The following TMEM117 variants were observed in gnomAD, a reference collection of about 807,000 sequenced individuals.
TMEM117 encodes transmembrane protein 117.
A neutral mutation model predicts 52.4 loss-of-function variants in TMEM117; 27 were observed. The observed-to-expected ratio is 0.51, with a 90% CI of 0.38 to 0.71. TMEM117 has a LOEUF of 0.71. TMEM117 is among the 30% of genes least tolerant of loss of function. The pLI, the probability that TMEM117 is intolerant of heterozygous loss-of-function variation, is 0.00. For synonymous variants in TMEM117, 215 were observed against 206.3 expected (o/e 1.04, Z -0.36); for missense variants, 556 against 630.5 (o/e 0.88, Z 1.26).
intron 4 of TMEM117, among the ~76,000 whole-genome samples, chr12:44,170,960 T>A (rs1187740235): frequency 1.3e-5 from 2 of 152,110 alleles, no homozygotes; most frequent in Non-Finnish European, 2.9e-5. Context: ...CATGTTTTTC[T>A]GTCCTGAGAT....
chr12:44,042,937 AATAT>A (rs1289891246), intron 3 of TMEM117, among the ~76,000 whole-genome samples: 1 of 152,120 alleles, frequency 6.6e-6, no homozygotes, highest in Non-Finnish European at 1.5e-5. Context: ...TTGGCTTCTT[AATAT>A]GATTAGACCC....
chr12:44,034,839 G>C (rs1324776018), intron 3 of TMEM117, among the ~76,000 whole-genome samples: 12 of 152,144 alleles, frequency 7.9e-5, no homozygotes, highest in Admixed American at 7.9e-4. Context: ...TTTTAGATGA[G>C]ATTAGCACTT....
intron 3 of TMEM117, among the ~76,000 whole-genome samples, chr12:44,132,510 A>G (rs1331157733): frequency 1.3e-5 from 2 of 152,080 alleles, no homozygotes; most frequent in Admixed American, 6.6e-5. Context: ...CCTTGCCTTC[A>G]GAAATCCTGA....
intron 5 of TMEM117, among the ~76,000 whole-genome samples, chr12:44,265,369 G>T (rs1283790614): frequency 1.3e-5 from 2 of 152,098 alleles, no homozygotes; most frequent in African/African-American, 4.8e-5. Context: ...ACACACTACT[G>T]GAAGAAGTGA....
At chr12:44,057,417 A>G (rs1947073202) in intron 3 of TMEM117, among the ~76,000 whole-genome samples, 1 of 152,164 alleles carries the variant, frequency 6.6e-6, no homozygotes, top group African/African-American at 2.4e-5. Flanking sequence ...TAGCAGCATG[A>G]TATGATAGAG....
chr12:44,166,713 CT>C (rs1276471244), intron 4 of TMEM117, among the ~76,000 whole-genome samples: 1 of 152,170 alleles, frequency 6.6e-6, no homozygotes, highest in Non-Finnish European at 1.5e-5. Context: ...AGTCAAACTC[CT>C]ATCTATGTTC....
rs1432162040 is a variant in TMEM117, at chr12:44,059,103, A to G, written c.411-84422A>G. ...GGGTTCATGCTCCTATGAGAATGTA[A>G]TGCCACTGCTGATCTGACAGGAAGT... On this transcript the variant is annotated intron_variant, in intron 3 of 7. Coordinates refer to ENST00000266534, the MANE Select transcript of TMEM117 (RefSeq NM_032256.3). 3.3e-5 allele frequency among the ~76,000 whole-genome samples: 5 copies of G among 152,224 alleles called. No individual in the cohort carries two copies. In the East Asian group the frequency reaches 9.6e-4, roughly 29 times the overall value.
chr12:44,261,236 C>T (rs975921214), intron 5 of TMEM117, among the ~76,000 whole-genome samples: 10 of 152,242 alleles, frequency 6.6e-5, no homozygotes, highest in Middle Eastern at 3.4e-3. Flanking sequence ...GGTGGCTTAT[C>T]GCTATCTCAG....
chr12:43,931,875 GAGACCC>G (rs1944876521), intron 2 of TMEM117, among the ~76,000 whole-genome samples: 1 of 152,178 alleles, frequency 6.6e-6, no homozygotes, highest in African/African-American at 2.4e-5. Context: ...TTTATTCTGG[GAGACCC>G]AGGCTTGGCA....
At chr12:43,816,399 T>A in the TMEM117 span, among the ~76,000 whole-genome samples, 19 of 151,716 alleles carry the variant, frequency 1.3e-4, no homozygotes, top group Admixed American at 2.6e-4. Flanking sequence ...ATTACTCACC[T>A]CCTATCCACT....
intron 6 of TMEM117, among the ~76,000 whole-genome samples, chr12:44,305,678 A>C (rs1378904574): frequency 1.3e-5 from 2 of 152,244 alleles, no homozygotes; most frequent in Non-Finnish European, 2.9e-5. Flanking sequence ...GCAAGGCTGC[A>C]GAGAAAAGGG....
chr12:44,244,503 T>C (rs1950104888), intron 5 of TMEM117: 1 of 152,076 alleles, frequency 6.6e-6, no homozygotes, highest in Admixed American at 6.6e-5. Flanking sequence ...TTGTCTTTTT[T>C]GGATAAATGT....
chr12:44,171,938 G>A (rs12308508), intron 4 of TMEM117, among the ~76,000 whole-genome samples: 21,798 of 152,034 alleles, frequency 0.14, 1,977 homozygotes, highest in African/African-American at 0.25. Context: ...GCCCCAAGAC[G>A]GTGAAGGCAT....
rs192994771 is a variant in TMEM117 at position 44,384,319 on chromosome 12, A to G, written c.899-3707A>G. ...TTTTAGCAGCTTCAAGTTTCAGCTG[A>G]GTGAGAGAAGGACACTGCTGCATGC... On this transcript the variant is annotated intron_variant, in intron 7 of 7. Transcript: ENST00000266534. Among the ~76,000 whole-genome samples the G allele has an allele frequency of 6.1e-3, 921 of 152,224 alleles. 7 individuals are homozygous for G. Among genetic ancestry groups the G allele is most frequent in the African/African-American group, 0.022 (897 of 41,522 alleles).
chr12:44,127,701 A>G (rs1243130391), intron 3 of TMEM117, among the ~76,000 whole-genome samples: 1 of 152,114 alleles, frequency 6.6e-6, no homozygotes, highest in East Asian at 1.9e-4. Flanking sequence ...TAAGTAAAAT[A>G]GTTTCTTCTT....
chr12:44,226,499 A>ATGTGTGTGTGTGTGTGTG lies in TMEM117; in HGVS notation c.608+15113_608+15114insGTGTGTGTGTGTGTGTGT, dbSNP rs1161429257. Among the ~76,000 whole-genome samples, 235 of 132,944 alleles carry ATGTGTGTGTGTGTGTGTG rather than the reference A, an allele frequency of 1.8e-3. 3 individuals carry two copies. In the East Asian group the frequency reaches 0.029, roughly 16 times the overall value. 87.2% of individuals were successfully genotyped at this position (132,944 alleles called of 152,430 possible). Reference sequence around the variant, plus strand: ...CAATAAACTATAAATATAAATATATATATGTGTGTGTGTGTGTGTGTGTGT... The same window carrying ATGTGTGTGTGTGTGTGTG: ...CAATAAACTATAAATATAAATATATATGTGTGTGTGTGTGTGTGTATGTGTGTGTGTGTGTGTGTGTGT... On this transcript the variant is annotated intron_variant, in intron 5 of 7. Coordinates refer to ENST00000266534, the MANE Select transcript of TMEM117 (RefSeq NM_032256.3).
At chr12:43,979,052 A>T (rs1333179580) in intron 3 of TMEM117, among the ~76,000 whole-genome samples, 1 of 151,656 alleles carries the variant, frequency 6.6e-6, no homozygotes, top group Non-Finnish European at 1.5e-5. Context: ...CTAGGGTTGT[A>T]TTGCCTTTTG....
At chr12:43,965,462 C>T (rs17093971) in intron 3 of TMEM117, among the ~76,000 whole-genome samples, 21,824 of 152,076 alleles carry the variant, frequency 0.14, 2,046 homozygotes, top group African/African-American at 0.27. Flanking sequence ...GCCACCTGTC[C>T]GTGGATTACT....
chr12:43,979,617 T>TG (rs1945727233), intron 3 of TMEM117, among the ~76,000 whole-genome samples: 1 of 152,030 alleles, frequency 6.6e-6, no homozygotes, highest in African/African-American at 2.4e-5. Flanking sequence ...GGAATCGCTG[T>TG]GGGGGAAGGG....
Sources: gnomAD v4.1 joint callset for allele counts (sites outside exome capture counted in the v4.1 genomes callset) on GRCh38, gnomAD v4.1.1 for gene constraint, MANE v1.5 for transcripts, NCBI Gene and HGNC (gene_info 2026-07-23, HGNC 2026-07-21) for gene names.